Variants in ONECUT2 observed in about 807,000 individuals in gnomAD.
ONECUT2 encodes the protein one cut homeobox 2, also known as one cut domain family member 2.
A neutral mutation model predicts 27.9 loss-of-function variants in ONECUT2; 10 were observed. The ratio of observed to expected loss-of-function variants is 0.36; its 90% CI spans 0.22 to 0.61. The LOEUF is 0.61. Ranked by LOEUF, ONECUT2 falls within the 20% of genes least tolerant of loss-of-function variation. ONECUT2 has a pLI of 0.73. For missense variants in ONECUT2, 686 were observed against 721.0 expected, an observed-to-expected ratio of 0.95 and a Z score of 0.56; for synonymous variants, 334 against 315.1, an observed-to-expected ratio of 1.06 and a Z score of -0.64.
At chr18:57,476,397 G>A (rs773178272) in intron 1 of ONECUT2, 40 bp from the exon 2 acceptor site, 2 of 1,598,802 alleles carry the variant, frequency 1.3e-6, no homozygotes, top group Non-Finnish European at 1.7e-6. Flanking sequence ...CTTCTCAGGT[G>A]AGCCCACTGA....
rs548381117 is a variant in ONECUT2, at chr18:57,441,904, A to C, written c.1228+4960A>C. ...GGACTGGTCGGGTCTAACAGGGAGA[A>C]TCTTGTGTCCTACCTTGGCTGGGAC... On this transcript the variant is annotated intron_variant, in intron 1 of 1. Transcript: ENST00000491143. Among the ~76,000 whole-genome samples, 13 of 152,338 alleles carry C rather than the reference A, an allele frequency of 8.5e-5. No homozygotes were observed. The South Asian group carries it at 2.7e-3, about 32-fold the overall frequency.
At chr18:57,437,195 C>CCT (rs1555673092) in intron 1 of ONECUT2, among the ~76,000 whole-genome samples, 1 of 148,988 alleles carries the variant, frequency 6.7e-6, no homozygotes, top group Non-Finnish European at 1.5e-5. Flanking sequence ...ATTGACCGAC[C>CCT]CCCCCCCATT....
chr18:57,446,085 T>C (rs1452423397), intron 1 of ONECUT2, among the ~76,000 whole-genome samples: 1 of 152,230 alleles, frequency 6.6e-6, no homozygotes, highest in Non-Finnish European at 1.5e-5. Flanking sequence ...CGCCAGTCAG[T>C]CTGTAGGCAT....
rs1489223064 is a variant in ONECUT2 at position 57,484,793 on chromosome 18, T to A, written c.*8070T>A. ...ACTCTTGAGAGTGAAAGCCCACACA[T>A]GCCTCCTGGTTCCTGCCCCAGTGCT... On this transcript the variant is annotated 3_prime_UTR_variant, in exon 2 of 2. Transcript: ENST00000491143. The A allele has an allele frequency of 6.6e-6, 1 of 152,302 alleles. No homozygotes were observed. The highest frequency in any genetic ancestry group is 1.5e-5 in the Non-Finnish European group (1 of 68,132). The allele number at this position is 152,302 out of a possible 1,614,324, so 9.4% of individuals were successfully genotyped here. A position where few individuals can be genotyped will look rare whatever the true frequency, so the allele number is the denominator to read the frequency against.
chr18:57,476,923 G>T lies in ONECUT2; in HGVS notation c.*200G>T. On this transcript the variant is annotated 3_prime_UTR_variant, in exon 2 of 2. Transcript: ENST00000491143. ...TTCTTTTGTTTTTAATGGCTATGGA[G>T]TCCAAGTGCAAGCTGAAAAATTAAT... 1 of 629,736 alleles carries T rather than the reference G, an allele frequency of 1.6e-6. No individual in the cohort carries two copies. Among genetic ancestry groups the T allele is most frequent in the Non-Finnish European group, 2.7e-6 (1 of 369,480 alleles). 39.0% of individuals were successfully genotyped at this position (629,736 alleles called of 1,614,324 possible).
At chr18:57,457,423 A>T (rs139512504) in intron 1 of ONECUT2, among the ~76,000 whole-genome samples, 2 of 152,240 alleles carry the variant, frequency 1.3e-5, no homozygotes, top group African/African-American at 2.4e-5. Flanking sequence ...CCCTTACCCC[A>T]GGTTCTAGAA....
chr18:57,438,583 C>T (rs183696880), intron 1 of ONECUT2, among the ~76,000 whole-genome samples: 405 of 152,346 alleles, frequency 2.7e-3, no homozygotes, highest in Non-Finnish European at 4.7e-3. Flanking sequence ...GGGGGAGTTT[C>T]CGCTTTGACA....
intron 1 of ONECUT2, among the ~76,000 whole-genome samples, chr18:57,452,452 T>C (rs2050235895): frequency 6.8e-6 from 1 of 146,528 alleles, no homozygotes. Context: ...AGAGACAGAG[T>C]CTCACTCTGT....
chr18:57,440,175 C>T (rs906182481), intron 1 of ONECUT2, among the ~76,000 whole-genome samples: 1 of 152,270 alleles, frequency 6.6e-6, no homozygotes, highest in Non-Finnish European at 1.5e-5. Flanking sequence ...CGGGCCTTCG[C>T]AGAGGTTCCC....
At chr18:57,447,376 T>C (rs523031) in intron 1 of ONECUT2, among the ~76,000 whole-genome samples, 2,202 of 152,282 alleles carry the variant, frequency 0.014, 43 homozygotes, top group African/African-American at 0.048. Flanking sequence ...CTGACCAGTA[T>C]CTCCAGCTCT....
chr18:57,460,604 G>A (rs1256802746), intron 1 of ONECUT2, among the ~76,000 whole-genome samples: 1 of 151,190 alleles, frequency 6.6e-6, no homozygotes, highest in Admixed American at 6.6e-5. Context: ...CTTTTCCATA[G>A]GAATTATAGA....
chr18:57,439,053 C>A lies in ONECUT2; in HGVS notation c.1228+2109C>A, dbSNP rs551232811. 7.1e-4 allele frequency among the ~76,000 whole-genome samples: 108 copies of A among 152,322 alleles called. 1 individual carries two copies. Among genetic ancestry groups the A allele is most frequent in the African/African-American group, 2.5e-3 (103 of 41,564 alleles). On this transcript the variant is annotated intron_variant, in intron 1 of 1. Coordinates refer to ENST00000491143, the MANE Select transcript of ONECUT2 (RefSeq NM_004852.3). ...AGCTATTCTCCTGCTCATCTCAGAG[C>A]GCTGCCGCCCCCTCATGCCGGTCGC...
In ONECUT2 at chr18:57,460,842, C is replaced by T. The variant is rs118185692; in HGVS notation, c.1229-15595C>T. 5.9e-4 allele frequency among the ~76,000 whole-genome samples: 89 copies of T among 152,046 alleles called. 1 individual carries two copies. In the East Asian group the frequency reaches 0.016, roughly 26 times the overall value. ...ATAACTGGGACTACAGGCACACCCA[C>T]CACACCTGGCTAATTTTTTTGTATT... is the stretch of plus-strand genomic sequence containing the variant. On this transcript the variant is annotated intron_variant, in intron 1 of 1. Transcript: ENST00000491143.
chr18:57,475,085 CTCACCCTG>C (rs1356767185), intron 1 of ONECUT2, among the ~76,000 whole-genome samples: 1 of 124,696 alleles, frequency 8.0e-6, no homozygotes, highest in Non-Finnish European at 1.6e-5. Context: ...GAGATGGACT[CTCACCCTG>C]TCACCCAGGC....
chr18:57,453,378 A>G (rs1023360680), intron 1 of ONECUT2, among the ~76,000 whole-genome samples: 4 of 152,238 alleles, frequency 2.6e-5, no homozygotes, highest in Non-Finnish European at 5.9e-5. Flanking sequence ...TTTGATGGAC[A>G]TTTCATTGTG....
At chr18:57,445,275 G>A (rs942122295) in intron 1 of ONECUT2, among the ~76,000 whole-genome samples, 7 of 152,226 alleles carry the variant, frequency 4.6e-5, no homozygotes, top group Non-Finnish European at 1.0e-4. Context: ...CTTGAAAAGA[G>A]AGAGGATTTG....
intron 1 of ONECUT2, among the ~76,000 whole-genome samples, chr18:57,475,620 T>G (rs1351333136): frequency 6.6e-6 from 1 of 152,152 alleles, no homozygotes; most frequent in Non-Finnish European, 1.5e-5. Flanking sequence ...TCGTGACACA[T>G]AATGGCCTTG....
rs2050144365 is a variant in ONECUT2, at chr18:57,436,620, C to CA, written c.905dup (p.Ser303ValfsTer78). On this transcript the variant is annotated frameshift_variant, in exon 1 of 2. Transcript: ENST00000491143. LOFTEE classifies it high-confidence loss of function. The surrounding 1 kb of genome is among the most constrained non-coding windows in gnomAD (Gnocchi z 5.9). ...CGGCCTGCACCACCCGGGCCACACT[C>CA]AGTCTCACGGGCCGGTGCTGGCACC... 1 of 1,611,216 alleles carries CA rather than the reference C, an allele frequency of 6.2e-7. No homozygotes were observed. Among genetic ancestry groups the CA allele is most frequent in the African/African-American group, 1.3e-5 (1 of 74,952 alleles).
intron 1 of ONECUT2, among the ~76,000 whole-genome samples, chr18:57,454,816 T>C (rs2050249940): frequency 6.6e-6 from 1 of 152,210 alleles, no homozygotes; most frequent in Non-Finnish European, 1.5e-5. Flanking sequence ...TTAACAGTTA[T>C]GGACATTTTG....
Sources: allele counts gnomAD v4.1 joint callset (sites outside exome capture counted in the v4.1 genomes callset), GRCh38; gene constraint gnomAD v4.1.1; non-coding constraint Gnocchi (gnomAD v3.1); transcripts MANE v1.5; gene names NCBI Gene and HGNC (gene_info 2026-07-23, HGNC 2026-07-21).